The following ZNF892 variants were observed in gnomAD, a reference collection of about 807,000 sequenced individuals.
ZNF892 encodes zinc finger protein 570-like.
chr2:95,209,927 G>A, the ZNF892 span, among the ~76,000 whole-genome samples: 1 of 152,128 alleles, frequency 6.6e-6, no homozygotes, highest in Non-Finnish European at 1.5e-5. Flanking sequence ...AAGTGTTAAA[G>A]AGTGTATTTT....
the ZNF892 span, among the ~76,000 whole-genome samples, chr2:95,221,554 T>C: frequency 6.6e-6 from 1 of 152,198 alleles, no homozygotes; most frequent in Non-Finnish European, 1.5e-5. Context: ...TGGTTGGTTT[T>C]AGGGGCTATT....
the ZNF892 span, chr2:95,215,055 G>A: frequency 7.8e-6 from 4 of 511,014 alleles, no homozygotes; most frequent in East Asian, 3.1e-5. Context: ...ATGTGGGAAG[G>A]CCTTCAGCCA....
At chr2:95,230,898 G>A in the ZNF892 span, among the ~76,000 whole-genome samples, 4 of 152,200 alleles carry the variant, frequency 2.6e-5, no homozygotes, top group African/African-American at 9.6e-5. Flanking sequence ...TGACACGATA[G>A]TGTCTGTGAG....
chr2:95,233,700 A>AAAT, the ZNF892 span, among the ~76,000 whole-genome samples: 1 of 148,758 alleles, frequency 6.7e-6, no homozygotes, highest in African/African-American at 2.5e-5. Flanking sequence ...AAAAAAAAAA[A>AAAT]TCTCGCTATG....
chr2:95,225,883 A>G, the ZNF892 span, among the ~76,000 whole-genome samples: 1 of 152,228 alleles, frequency 6.6e-6, no homozygotes. Flanking sequence ...AGACATTTGC[A>G]ATGCAAAAAG....
At chr2:95,207,416 G>C in the ZNF892 span, 2 of 164,524 alleles carry the variant, frequency 1.2e-5, no homozygotes, top group African/African-American at 4.8e-5. Flanking sequence ...AGCGTGCCGC[G>C]GCAAGAAACG....
chr2:95,256,210 T>C, the ZNF892 span, among the ~76,000 whole-genome samples: 4 of 152,206 alleles, frequency 2.6e-5, no homozygotes, highest in African/African-American at 9.7e-5. Context: ...TGGCTGGTAC[T>C]GGTTGTTCCT....
At chr2:95,254,853 T>G in the ZNF892 span, among the ~76,000 whole-genome samples, 1 of 152,240 alleles carries the variant, frequency 6.6e-6, no homozygotes, top group Non-Finnish European at 1.5e-5. Context: ...TTCTAGATTT[T>G]CTAGTTTATT....
At chr2:95,230,975 G>T in the ZNF892 span, among the ~76,000 whole-genome samples, 1 of 152,148 alleles carries the variant, frequency 6.6e-6, no homozygotes, top group Non-Finnish European at 1.5e-5. Flanking sequence ...AAAATATAAG[G>T]AAGGTCTCAC....
At chr2:95,224,047 C>T in the ZNF892 span, among the ~76,000 whole-genome samples, 1 of 152,196 alleles carries the variant, frequency 6.6e-6, no homozygotes, top group Non-Finnish European at 1.5e-5. Context: ...AATGAAAAGA[C>T]AGTCATCTGT....
chr2:95,228,640 G>A, the ZNF892 span, among the ~76,000 whole-genome samples: 1 of 152,060 alleles, frequency 6.6e-6, no homozygotes, highest in Non-Finnish European at 1.5e-5. Flanking sequence ...GATGATACTT[G>A]CCTGAATCAA....
At chr2:95,255,285 T>C in the ZNF892 span, among the ~76,000 whole-genome samples, 1 of 152,260 alleles carries the variant, frequency 6.6e-6, no homozygotes, top group African/African-American at 2.4e-5. Context: ...TGTGTCTTTG[T>C]TCTCGTTGGT....
chr2:95,249,974 T>G, the ZNF892 span, among the ~76,000 whole-genome samples: 1 of 152,292 alleles, frequency 6.6e-6, no homozygotes, highest in Middle Eastern at 3.4e-3. Flanking sequence ...AAAAGTCCAT[T>G]TATAAACTTT....
the ZNF892 span, among the ~76,000 whole-genome samples, chr2:95,235,462 C>T: frequency 5.9e-5 from 9 of 151,428 alleles, no homozygotes; most frequent in African/African-American, 1.5e-4. Context: ...CTCGGGCTTA[C>T]GCCATTCTCC....
chr2:95,227,319 T>G, the ZNF892 span, among the ~76,000 whole-genome samples: 60 of 152,150 alleles, frequency 3.9e-4, no homozygotes, highest in South Asian at 0.011. Context: ...GCATGTGTAT[T>G]TTTTTATTTT....
At chr2:95,220,098 A>G in the ZNF892 span, among the ~76,000 whole-genome samples, 1 of 152,026 alleles carries the variant, frequency 6.6e-6, no homozygotes, top group Non-Finnish European at 1.5e-5. Flanking sequence ...ATGTGTGGGG[A>G]GGGGTGGGTT....
At chr2:95,213,439 C>T in the ZNF892 span, among the ~76,000 whole-genome samples, 1 of 152,154 alleles carries the variant, frequency 6.6e-6, no homozygotes, top group African/African-American at 2.4e-5. Context: ...AGTATTTAAA[C>T]ATTTTTAGCA....
the ZNF892 span, chr2:95,259,275 T>C: frequency 6.5e-6 from 1 of 152,822 alleles, no homozygotes; most frequent in Non-Finnish European, 1.5e-5. Context: ...TGGGGTTGAA[T>C]GTTCTGCCAC....
chr2:95,212,558 TC>T, the ZNF892 span, among the ~76,000 whole-genome samples: 11 of 152,244 alleles, frequency 7.2e-5, no homozygotes, highest in Non-Finnish European at 1.6e-4. Flanking sequence ...TTGCTTGGGT[TC>T]AAGGCTCTAA....
Sources: gnomAD v4.1 joint callset for allele counts (sites outside exome capture counted in the v4.1 genomes callset) on GRCh38, gnomAD v4.1.1 for gene constraint, MANE v1.5 for transcripts, NCBI Gene and HGNC (gene_info 2026-07-23, HGNC 2026-07-21) for gene names.